APOA2: variants seen among roughly 807,000 people sequenced by gnomAD.
APOA2 encodes the protein apolipoprotein A2.
In APOA2, 3 loss-of-function variants were observed where a neutral mutation model predicts 7.4. That is an observed-to-expected ratio of 0.41 (90% CI 0.18 to 1.05). The LOEUF is 1.05. Ranked by LOEUF, APOA2 falls within the 50% of genes least tolerant of loss-of-function variation. The pLI, the probability that APOA2 is intolerant of heterozygous loss-of-function variation, is 0.33. For missense variants in APOA2, 90 were observed against 116.3 expected, an observed-to-expected ratio of 0.77 and a Z score of 1.04; for synonymous variants, 42 against 47.8, an observed-to-expected ratio of 0.88 and a Z score of 0.50.
rs3813625 is a variant in APOA2 at position 161,223,617 on chromosome 1, G to A, written c.-47C>T. ...TACCTAGCCAGCGTCTCTGTCCTTG[G>A]TGTCTGTGCCTGCCCTGGCTGGAGA... On this transcript the variant is annotated 5_prime_UTR_variant, in exon 1 of 4. Transcript: ENST00000367990. 3.2e-4 allele frequency: 202 copies of A among 628,848 alleles called. 1 individual carries two copies. The East Asian group carries it at 5.4e-3, about 17-fold the overall frequency. 39.0% of individuals were successfully genotyped at this position (628,848 alleles called of 1,614,324 possible).
In APOA2 at chr1:161,222,339, G is replaced by T; in HGVS notation, c.*66C>A. 2 of 1,171,794 alleles carry T rather than the reference G, an allele frequency of 1.7e-6. No individual in the cohort carries two copies. The highest frequency in any genetic ancestry group is 2.6e-6 in the Non-Finnish European group (2 of 779,662). 72.6% of individuals were successfully genotyped at this position (1,171,794 alleles called of 1,614,324 possible). A position where few individuals can be genotyped will look rare whatever the true frequency, so the allele number is the denominator to read the frequency against. ...TAGCAAAGAGTGGGTAGGGACAGGA[G>T]CTCTAGGACTGGCCAGTGGGTGTTC... is the stretch of plus-strand genomic sequence containing the variant. On this transcript the variant is annotated 3_prime_UTR_variant, in exon 4 of 4. Coordinates refer to ENST00000367990, the MANE Select transcript of APOA2 (RefSeq NM_001643.2).
rs758208212 is a variant in APOA2 at position 161,223,004 on chromosome 1, C to G, written c.99G>C (p.Leu33=). 1.9e-6 allele frequency: 3 copies of G among 1,613,936 alleles called. No homozygotes were observed. Among genetic ancestry groups the G allele is most frequent in the Non-Finnish European group, 2.5e-6 (3 of 1,180,012 alleles). Residue 33 remains leucine (L), a synonymous_variant, in exon 3 of 4, where the codon CTG becomes CTC. Transcript: ENST00000367990. ...TCACGGTCTGGAAGTACTGAGAAAC[C>G]AGGCTCTCCACACATGGCTCCTTTG... is the stretch of plus-strand genomic sequence containing the variant. ...RQAKEPCVES[L]VSQYFQTVTD...
At chr1:161,223,568 C>T in intron 1 of APOA2, 27 bp downstream of exon 1, 2 of 695,434 alleles carry the variant, frequency 2.9e-6, no homozygotes, top group Non-Finnish European at 5.1e-6. Flanking sequence ...TTGGATGCTG[C>T]TCACACATCT....
At chr1:161,223,458 C>T (rs761342426) in intron 1 of APOA2, 33 bp from the exon 2 acceptor site, 24 of 1,572,950 alleles carry the variant, frequency 1.5e-5, no homozygotes, top group Non-Finnish European at 2.0e-5. Flanking sequence ...TTGGGGGACA[C>T]TGAAGCCAAA....
In APOA2 at chr1:161,222,421, T is replaced by A; in HGVS notation, c.287A>T (p.Gln96Leu). The change falls in exon 4 of 4, where the codon CAG (glutamine) becomes CTG (leucine). Residue 96 changes from glutamine to leucine, a missense_variant. Coordinates refer to ENST00000367990, the MANE Select transcript of APOA2 (RefSeq NM_001643.2). ...CTGGACACTTCACTGGGTGGCAGGC[T>A]GTGTTCCAAGTTCCACGAAATAGCT... ...FLSYFVELGT[Q>L]PATQ 6.2e-7 allele frequency: 1 copy of A among 1,614,182 alleles called. No individual in the cohort carries two copies. Among genetic ancestry groups the A allele is most frequent in the Non-Finnish European group, 8.5e-7 (1 of 1,179,992 alleles).
In APOA2 at chr1:161,222,485, G is replaced by A. The variant is rs1158304839; in HGVS notation, c.223C>T (p.Leu75=). The A allele has an allele frequency of 6.2e-7, 1 of 1,614,204 alleles. No homozygotes were observed. The part of the protein sequence containing the change: ...FEKSKEQLTP[L]IKKAGTELVN... ...AGTTCCGTTCCAGCCTTCTTGATCAGGGGTGTCAGCTGCTCCTTTGACTTT... is the reference window on the plus strand; with the variant it reads ...AGTTCCGTTCCAGCCTTCTTGATCAAGGGTGTCAGCTGCTCCTTTGACTTT... The change falls in exon 4 of 4, where the codon CTG becomes TTG. Residue 75 remains leucine, a synonymous_variant. Coordinates refer to ENST00000367990, the MANE Select transcript of APOA2 (RefSeq NM_001643.2).
rs752976925 is a variant in APOA2 at position 161,222,438 on chromosome 1, G to A, written c.270C>T (p.Phe90=). 1.1e-5 allele frequency: 18 copies of A among 1,614,084 alleles called. No homozygotes were observed. Among genetic ancestry groups the A allele is most frequent in the African/African-American group, 2.7e-5 (2 of 74,932 alleles). ...GTELVNFLSY[F]VELGTQPATQ Reference sequence around the variant, plus strand: ...TGGCAGGCTGTGTTCCAAGTTCCACGAAATAGCTCAAGAAGTTAACCAGTT... The same window carrying A: ...TGGCAGGCTGTGTTCCAAGTTCCACAAAATAGCTCAAGAAGTTAACCAGTT... The change falls in exon 4 of 4, where the codon TTC becomes TTT. Residue 90 remains phenylalanine, a synonymous_variant. Transcript: ENST00000367990.
intron 2 of APOA2, 81 bp downstream of exon 2, chr1:161,223,269 G>C (rs1239495096): frequency 1.3e-6 from 2 of 1,586,808 alleles, no homozygotes; most frequent in Non-Finnish European, 1.7e-6. Flanking sequence ...TGCCAGACCT[G>C]GATATAAGAG....
At position 161,223,331 on chromosome 1, in the gene APOA2, C is replaced by G. The variant is rs1361692788; in HGVS notation, c.52+19G>C. 6.2e-7 allele frequency: 1 copy of G among 1,613,526 alleles called. No individual in the cohort carries two copies. The highest frequency in any genetic ancestry group is 8.5e-7 in the Non-Finnish European group (1 of 1,179,820). On this transcript the variant is annotated intron_variant, in intron 2 of 3. Transcript: ENST00000367990. ...CCAGCACATTCTCCCTTTTGGCCCC[C>G]TCTCCATATCACACCCACCTTCAAG...
intron 3 of APOA2, 113 bp downstream of exon 3, chr1:161,222,805 G>A (rs1666192346): frequency 1.9e-5 from 29 of 1,493,774 alleles, no homozygotes; most frequent in Non-Finnish European, 2.4e-5. Context: ...TGCAATTTAA[G>A]CCTAATCTGC....
intron 2 of APOA2, 67 bp from the exon 3 acceptor site, chr1:161,223,117 A>G: frequency 6.2e-7 from 1 of 1,605,276 alleles, no homozygotes; most frequent in Non-Finnish European, 8.5e-7. Context: ...GGTCCACAGC[A>G]GTGAATCCTG....
rs780068329 is a variant in APOA2 at position 161,222,899 on chromosome 1, C to T, written c.185+19G>A. 17 of 1,614,204 alleles carry T rather than the reference C, an allele frequency of 1.1e-5. No homozygotes were observed. The Admixed American group carries it at 2.2e-4, about 21-fold the overall frequency. ...CTCCACAGTTCCACAGCCCCTGAAC[C>T]CCTTGCCCTGAGACTTACTTGGCCT... On this transcript the variant is annotated intron_variant, in intron 3 of 3. Coordinates refer to ENST00000367990, the MANE Select transcript of APOA2 (RefSeq NM_001643.2).
Position 161,223,576 on chromosome 1 carries a change from T to C in APOA2, c.-25+19A>G, listed in dbSNP as rs530188791. On this transcript the variant is annotated intron_variant, in intron 1 of 3. Coordinates refer to ENST00000367990, the MANE Select transcript of APOA2 (RefSeq NM_001643.2). ...GGCCTCTTTGGATGCTGCTCACACA[T>C]CTTGCCTCCTTATCTTACCTAGCCA... 1 of 675,328 alleles carries C rather than the reference T, an allele frequency of 1.5e-6. No individual in the cohort carries two copies. The highest frequency in any genetic ancestry group is 2.6e-6 in the Non-Finnish European group (1 of 379,244). The allele number at this position is 675,328 out of a possible 1,614,324, so 41.8% of individuals were successfully genotyped here. A position where few individuals can be genotyped will look rare whatever the true frequency, so the allele number is the denominator to read the frequency against.
At chr1:161,223,478 G>T (rs1365520469) in intron 1 of APOA2, 53 bp from the exon 2 acceptor site, 1 of 1,461,206 alleles carries the variant, frequency 6.8e-7, no homozygotes, top group Non-Finnish European at 9.5e-7. Flanking sequence ...ATGGGCTTCA[G>T]CTCCTCCCCA....
Position 161,223,578 on chromosome 1 carries a change from T to A in APOA2, c.-25+17A>T, listed in dbSNP as rs954740577. On this transcript the variant is annotated intron_variant, in intron 1 of 3. Transcript: ENST00000367990. ...CCTCTTTGGATGCTGCTCACACATCTTGCCTCCTTATCTTACCTAGCCAGC... is the reference window on the plus strand; with the variant it reads ...CCTCTTTGGATGCTGCTCACACATCATGCCTCCTTATCTTACCTAGCCAGC... The A allele has an allele frequency of 3.0e-6, 2 of 673,800 alleles. No homozygotes were observed. Among genetic ancestry groups the A allele is most frequent in the African/African-American group, 3.6e-5 (2 of 56,204 alleles). The allele number at this position is 673,800 out of a possible 1,614,324, so 41.7% of individuals were successfully genotyped here.
chr1:161,223,067 A>T lies in APOA2; in HGVS notation c.53-17T>A. 1.2e-6 allele frequency: 1 copy of T among 842,524 alleles called. No individual in the cohort carries two copies. The highest frequency in any genetic ancestry group is 7.3e-5 in the East Asian group (1 of 13,684). 52.2% of individuals were successfully genotyped at this position (842,524 alleles called of 1,614,324 possible). A position where few individuals can be genotyped will look rare whatever the true frequency, so the allele number is the denominator to read the frequency against. On this transcript the variant is annotated splice_polypyrimidine_tract_variant and intron_variant, in intron 2 of 3. Coordinates refer to ENST00000367990, the MANE Select transcript of APOA2 (RefSeq NM_001643.2). Reference sequence around the variant, plus strand: ...CCAAAGCTCCTGCCCACACACACACACACACACACACACACACACACACAC... The same window carrying T: ...CCAAAGCTCCTGCCCACACACACACTCACACACACACACACACACACACAC...
intron 3 of APOA2, 21 bp downstream of exon 3, chr1:161,222,897 A>C (rs546849774): frequency 6.2e-7 from 1 of 1,611,780 alleles, no homozygotes; most frequent in South Asian, 1.1e-5. Context: ...CAGCCCCTGA[A>C]CCCCTTGCCC....
chr1:161,223,289 A>T, intron 2 of APOA2, 61 bp downstream of exon 2: 1 of 1,602,372 alleles, frequency 6.2e-7, no homozygotes, highest in Non-Finnish European at 8.5e-7. Context: ...GCACAGGCAG[A>T]TAGGTAGCTA....
At position 161,222,917 on chromosome 1, in the gene APOA2, C is replaced by CT. The variant is rs1230508884; in HGVS notation, c.185dup (p.Ser63ValfsTer4). On this transcript the variant is annotated frameshift_variant and splice_region_variant. Coordinates refer to ENST00000367990, the MANE Select transcript of APOA2 (RefSeq NM_001643.2). LOFTEE classifies it high-confidence loss of function. ...CCTGAACCCCTTGCCCTGAGACTTA[C>CT]TTGGCCTCGGCCTGAAGCTCTGGGC... 1.2e-6 allele frequency: 2 copies of CT among 1,614,124 alleles called. No individual in the cohort carries two copies. The highest frequency in any genetic ancestry group is 4.5e-5 in the East Asian group (2 of 44,902).
Sources: allele counts gnomAD v4.1 joint callset, GRCh38; gene constraint gnomAD v4.1.1; transcripts MANE v1.5; gene names NCBI Gene and HGNC (gene_info 2026-07-23, HGNC 2026-07-21).